CEP126: variants seen among roughly 807,000 people sequenced by gnomAD.
CEP126 encodes centrosomal protein 126.
A neutral mutation model predicts 107.8 loss-of-function variants in CEP126; 74 were observed. That is an observed-to-expected ratio of 0.69 (90% CI 0.57 to 0.83). The LOEUF is 0.83. Ranked by LOEUF, CEP126 falls within the 40% of genes least tolerant of loss-of-function variation. The probability of loss-of-function intolerance (pLI) is 0.00; values close to 1 mark genes in which losing one functional copy is unlikely to be tolerated. For missense variants in CEP126, 1,237 were observed against 1,281.9 expected, an observed-to-expected ratio of 0.96 and a Z score of 0.53; for synonymous variants, 449 against 446.0, an observed-to-expected ratio of 1.01 and a Z score of -0.08.
intron 5 of CEP126, 119 bp downstream of exon 5, chr11:101,958,485 G>C: frequency 1.3e-6 from 1 of 770,326 alleles, no homozygotes; most frequent in Non-Finnish European, 2.1e-6. Context: ...ATGAAAGACA[G>C]TGTGGATGAA....
intron 1 of CEP126, among the ~76,000 whole-genome samples, chr11:101,917,273 TATA>T (rs1940237426): frequency 1.3e-5 from 2 of 152,132 alleles, no homozygotes; most frequent in Non-Finnish European, 2.9e-5. Flanking sequence ...TCTTTGTGTC[TATA>T]ATGTTTCCCA....
Position 101,963,741 on chromosome 11 carries a change from T to C in CEP126, c.2706T>C (p.Asp902=). The C allele has an allele frequency of 6.2e-7, 1 of 1,614,120 alleles. No individual in the cohort carries two copies. The highest frequency in any genetic ancestry group is 8.5e-7 in the Non-Finnish European group (1 of 1,180,028). The change falls in exon 6 of 11, where the codon GAT becomes GAC. Residue 902 remains aspartate, a synonymous_variant. Coordinates refer to ENST00000263468, the MANE Select transcript of CEP126 (RefSeq NM_020802.4). Reference sequence around the variant, plus strand: ...GCACTCAAGCAGTTGCCCGGCAAGATGCGACATTATATTGCACCCAAAGAA... The same window carrying C: ...GCACTCAAGCAGTTGCCCGGCAAGACGCGACATTATATTGCACCCAAAGAA... The part of the protein sequence containing the change: ...SNGTQAVARQ[D]ATLYCTQRSP...
At chr11:101,975,509 C>G (rs1941183158) in intron 6 of CEP126, among the ~76,000 whole-genome samples, 2 of 152,176 alleles carry the variant, frequency 1.3e-5, no homozygotes, top group South Asian at 4.1e-4. Context: ...CAGCTTTGCC[C>G]CTTACTGGCT....
chr11:101,918,106 T>A (rs545679362), intron 1 of CEP126, among the ~76,000 whole-genome samples: 2 of 151,928 alleles, frequency 1.3e-5, no homozygotes, highest in Non-Finnish European at 2.9e-5. Context: ...TGTCTTTTTT[T>A]CCCCCCAGGC....
chr11:101,994,015 C>T (rs934648906), intron 10 of CEP126, among the ~76,000 whole-genome samples: 5 of 152,176 alleles, frequency 3.3e-5, no homozygotes, highest in African/African-American at 1.2e-4. Flanking sequence ...TGGCTGGTCA[C>T]CTGAGGTCAG....
intron 2 of CEP126, among the ~76,000 whole-genome samples, chr11:101,942,141 G>A (rs114318116): frequency 6.6e-6 from 1 of 152,104 alleles, no homozygotes; most frequent in African/African-American, 2.4e-5. Context: ...TTTTGATGAA[G>A]TTCAACTTAT....
intron 6 of CEP126, among the ~76,000 whole-genome samples, chr11:101,970,026 A>G (rs1941107366): frequency 6.6e-6 from 1 of 152,210 alleles, no homozygotes; most frequent in South Asian, 2.1e-4. Flanking sequence ...TTCTTACACA[A>G]TACTTTAAAA....
Position 101,962,806 on chromosome 11 carries a change from A to C in CEP126, c.1771A>C (p.Lys591Gln). ...ATCTAAATATGAACATGGTTATCTT[A>C]AGGCATTAATTATAAATCAGAGCTT... Reference protein sequence around the residue: ...KESKYEHGYLKALIINQSFKF... With the variant: ...KESKYEHGYLQALIINQSFKF... The change falls in exon 6 of 11, where the codon AAG becomes CAG. Residue 591 changes from lysine to glutamine, a missense_variant. Coordinates refer to ENST00000263468, the MANE Select transcript of CEP126 (RefSeq NM_020802.4). The C allele has an allele frequency of 6.2e-7, 1 of 1,602,146 alleles. No individual in the cohort carries two copies. The highest frequency in any genetic ancestry group is 8.5e-7 in the Non-Finnish European group (1 of 1,176,218).
chr11:101,944,178 C>A, intron 2 of CEP126, 87 bp from the exon 3 acceptor site: 2 of 1,201,138 alleles, frequency 1.7e-6, no homozygotes, highest in Non-Finnish European at 2.2e-6. Flanking sequence ...AATATGAAAA[C>A]ATTGTTATAT....
At chr11:101,967,440 CCTT>C (rs1032218035) in intron 6 of CEP126, among the ~76,000 whole-genome samples, 16 of 152,306 alleles carry the variant, frequency 1.1e-4, no homozygotes, top group African/African-American at 3.8e-4. Context: ...TTTTTCTCTG[CCTT>C]CTTCTAAGTA....
intron 2 of CEP126, among the ~76,000 whole-genome samples, chr11:101,929,780 AG>A: frequency 6.6e-6 from 1 of 152,254 alleles, no homozygotes; most frequent in South Asian, 2.1e-4. Context: ...AGGAGGGTTG[AG>A]GGCACATTGT....
Position 101,944,413 on chromosome 11 carries a change from G to A in CEP126, c.394+3G>A, listed in dbSNP as rs1940708900. The A allele has an allele frequency of 7.5e-6, 12 of 1,606,660 alleles. No individual in the cohort carries two copies. The highest frequency in any genetic ancestry group is 9.3e-6 in the Non-Finnish European group (11 of 1,177,718). On this transcript the variant is annotated splice_donor_region_variant and intron_variant, in intron 3 of 10. Transcript: ENST00000263468. ...TCTTTCACAGCGGAGGAAAGCAGGT[G>A]CCTTAATTTCTAGAACAGTATGAGA...
chr11:101,926,852 A>G (rs1940419764), intron 2 of CEP126, among the ~76,000 whole-genome samples: 2 of 152,214 alleles, frequency 1.3e-5, no homozygotes, highest in South Asian at 4.1e-4. Flanking sequence ...CCCTACAATC[A>G]TTATTATGAG....
intron 7 of CEP126, among the ~76,000 whole-genome samples, chr11:101,979,100 C>G (rs758512820): frequency 2.0e-5 from 3 of 151,942 alleles, no homozygotes; most frequent in African/African-American, 4.8e-5. Context: ...TCATTGCACT[C>G]CAGCCTGGGC....
At chr11:101,982,938 A>T (rs535771600) in intron 8 of CEP126, among the ~76,000 whole-genome samples, 1 of 152,156 alleles carries the variant, frequency 6.6e-6, no homozygotes, top group African/African-American at 2.4e-5. Flanking sequence ...AAGGGGAAAA[A>T]AGATCCTCTC....
intron 2 of CEP126, among the ~76,000 whole-genome samples, chr11:101,943,163 A>G (rs1217250630): frequency 6.6e-6 from 1 of 151,334 alleles, no homozygotes. Flanking sequence ...GCAACTTCTT[A>G]TCTTGACCTG....
At chr11:101,967,025 C>CTTTCTT (rs1555056607) in intron 6 of CEP126, among the ~76,000 whole-genome samples, 1 of 107,088 alleles carries the variant, frequency 9.3e-6, no homozygotes, top group Admixed American at 1.0e-4. Context: ...CTCTTTCTTT[C>CTTTCTT]TTTTTTTTTT....
In CEP126 at chr11:101,963,230, A is replaced by G; in HGVS notation, c.2195A>G (p.Glu732Gly). The G allele has an allele frequency of 6.2e-7, 1 of 1,614,040 alleles. No individual in the cohort carries two copies. Among genetic ancestry groups the G allele is most frequent in the Non-Finnish European group, 8.5e-7 (1 of 1,180,012 alleles). ...CATGCCTGGCCAGCCTCAAAAAAAG[A>G]AGAAAGTAAAATCCCTGTACATGAT... is the stretch of plus-strand genomic sequence containing the variant. The part of the protein sequence containing the change: ...AKHAWPASKK[E>G]ESKIPVHDDS... The change falls in exon 6 of 11, where the codon GAA becomes GGA. Residue 732 changes from glutamate (E) to glycine (G), a missense_variant. Physicochemically the swap from Glu to Gly is moderately conservative, Grantham distance 98. Coordinates refer to ENST00000263468, the MANE Select transcript of CEP126 (RefSeq NM_020802.4).
At chr11:101,961,699 A>T in intron 5 of CEP126, 42 bp from the exon 6 acceptor site, 1 of 1,152,262 alleles carries the variant, frequency 8.7e-7, no homozygotes, top group Non-Finnish European at 1.2e-6. Context: ...CTTGGCATTT[A>T]AAAGTTTATA....
Sources: gnomAD v4.1 joint callset for allele counts (sites outside exome capture counted in the v4.1 genomes callset) on GRCh38, gnomAD v4.1.1 for gene constraint, MANE v1.5 for transcripts, NCBI Gene and HGNC (gene_info 2026-07-23, HGNC 2026-07-21) for gene names.